SOS2: variants seen among roughly 807,000 people sequenced by gnomAD.
SOS2 encodes SOS Ras/Rho guanine nucleotide exchange factor 2, also known as son of sevenless homolog 2.
In SOS2, 65 loss-of-function variants were observed where a neutral mutation model predicts 148.2. That is an observed-to-expected ratio of 0.44 (90% CI 0.36 to 0.54). The LOEUF (loss-of-function observed/expected upper bound fraction) is 0.54, where lower values mean the gene tolerates loss of function less well. SOS2 is among the 20% of genes least tolerant of loss of function. The probability of loss-of-function intolerance (pLI) is 0.00; values close to 1 mark genes in which losing one functional copy is unlikely to be tolerated. For missense variants in SOS2, 1,341 were observed against 1,590.2 expected (o/e 0.84, Z 2.67); for synonymous variants, 539 against 537.1 (o/e 1.00, Z -0.05).
chr14:50,193,889 C>G (rs1318238905), intron 4 of SOS2, among the ~76,000 whole-genome samples: 1 of 152,124 alleles, frequency 6.6e-6, no homozygotes, highest in Admixed American at 6.6e-5. Flanking sequence ...GGATTATAGG[C>G]AATCGCCACC....
At chr14:50,165,403 A>G (rs1260465943) in intron 8 of SOS2, among the ~76,000 whole-genome samples, 1 of 152,174 alleles carries the variant, frequency 6.6e-6, no homozygotes, top group African/African-American at 2.4e-5. Context: ...AAATAAGGAC[A>G]CACACACCCG....
intron 14 of SOS2, 44 bp from the exon 15 acceptor site, chr14:50,145,640 G>C: frequency 7.8e-7 from 1 of 1,277,518 alleles, no homozygotes; most frequent in Non-Finnish European, 1.1e-6. Flanking sequence ...TAAAGGATTT[G>C]TATTACTTAA....
intron 13 of SOS2, among the ~76,000 whole-genome samples, 161 bp downstream of exon 13, chr14:50,152,909 G>A (rs1215821664): frequency 6.6e-6 from 1 of 151,828 alleles, no homozygotes; most frequent in African/African-American, 2.4e-5. Context: ...AGGTTGCAGT[G>A]AGCTGAGATG....
chr14:50,121,582 G>A (rs750777829), intron 21 of SOS2, among the ~76,000 whole-genome samples: 15 of 148,388 alleles, frequency 1.0e-4, no homozygotes, highest in South Asian at 2.1e-4. Context: ...CAAAAGGTAC[G>A]CCTATGAGGT....
chr14:50,213,352 T>C (rs1886945133), intron 1 of SOS2, among the ~76,000 whole-genome samples: 2 of 152,104 alleles, frequency 1.3e-5, no homozygotes, highest in East Asian at 3.9e-4. Context: ...GAAAACAAGA[T>C]AATTAATAAC....
chr14:50,200,509 C>T (rs12896404), intron 3 of SOS2, among the ~76,000 whole-genome samples: 45,499 of 151,844 alleles, frequency 0.3, 8,090 homozygotes, highest in Non-Finnish European at 0.41. Context: ...TGGCCTACTA[C>T]ATAGGAATTA....
chr14:50,203,903 T>A (rs914902606), intron 2 of SOS2, among the ~76,000 whole-genome samples: 4 of 151,982 alleles, frequency 2.6e-5, no homozygotes, highest in African/African-American at 9.7e-5. Flanking sequence ...GTACTATGTT[T>A]TGAGTCCTCT....
chr14:50,142,433 TA>T (rs1339340039), intron 16 of SOS2, among the ~76,000 whole-genome samples: 7 of 152,248 alleles, frequency 4.6e-5, no homozygotes, highest in Admixed American at 2.0e-4. Flanking sequence ...TCCCCTCTAA[TA>T]ACAACCCACT....
intron 18 of SOS2, among the ~76,000 whole-genome samples, chr14:50,135,515 T>C (rs1884047253): frequency 1.3e-5 from 2 of 150,056 alleles, no homozygotes. Context: ...CATGTAAATA[T>C]ATGCATGTAT....
intron 4 of SOS2, among the ~76,000 whole-genome samples, chr14:50,190,929 A>G (rs1282641729): frequency 6.6e-6 from 1 of 152,198 alleles, no homozygotes; most frequent in Non-Finnish European, 1.5e-5. Context: ...AAAGGAAGAC[A>G]TAAGACATAA....
chr14:50,221,455 C>T (rs1032594761), intron 1 of SOS2, among the ~76,000 whole-genome samples: 3 of 152,108 alleles, frequency 2.0e-5, no homozygotes, highest in African/African-American at 7.2e-5. Flanking sequence ...CACAGTTGCC[C>T]TCTCATTTTA....
In SOS2 at chr14:50,180,126, C is replaced by G. The variant is rs146069096; in HGVS notation, c.969+446G>C. Among the ~76,000 whole-genome samples the G allele has an allele frequency of 2.8e-3, 423 of 151,696 alleles. 6 individuals are homozygous for G. The highest frequency in any genetic ancestry group is 9.8e-3 in the African/African-American group (407 of 41,338). ...TCAAGTGATTCTCCTGCCTTAGCCT[C>G]CTGAGTAGCTGGGATTACAGGAGCT... On this transcript the variant is annotated intron_variant, in intron 7 of 22. Transcript: ENST00000216373.
chr14:50,177,261 A>G (rs1351478728), intron 7 of SOS2, among the ~76,000 whole-genome samples: 2 of 152,104 alleles, frequency 1.3e-5, no homozygotes, highest in Non-Finnish European at 2.9e-5. Flanking sequence ...CGGAGGTTGC[A>G]ATGAACTGAG....
chr14:50,158,510 A>G (rs113435568), intron 11 of SOS2, 55 bp downstream of exon 11: 15 of 1,077,330 alleles, frequency 1.4e-5, no homozygotes, highest in African/African-American at 4.7e-5. Flanking sequence ...ACTTTACAAA[A>G]TACAGTTAAT....
intron 1 of SOS2, among the ~76,000 whole-genome samples, chr14:50,222,933 A>G (rs1887242157): frequency 1.3e-5 from 2 of 152,246 alleles, no homozygotes; most frequent in African/African-American, 4.8e-5. Context: ...AGATGATCAG[A>G]GACCAGTTGA....
intron 5 of SOS2, among the ~76,000 whole-genome samples, chr14:50,184,110 A>G (rs975931036): frequency 3.9e-5 from 6 of 152,232 alleles, no homozygotes; most frequent in Admixed American, 6.5e-5. Flanking sequence ...ATAATCTTAC[A>G]GGATTACTGT....
At chr14:50,172,736 G>A (rs1885408282) in intron 8 of SOS2, among the ~76,000 whole-genome samples, 1 of 151,950 alleles carries the variant, frequency 6.6e-6, no homozygotes, top group Non-Finnish European at 1.5e-5. Context: ...GCTGCCTTTG[G>A]ACAAGCATGA....
At chr14:50,211,637 T>C (rs935580637) in intron 1 of SOS2, among the ~76,000 whole-genome samples, 7 of 151,746 alleles carry the variant, frequency 4.6e-5, no homozygotes, top group African/African-American at 1.2e-4. Context: ...ATTATTTAGA[T>C]TTTTGAGACA....
chr14:50,131,639 G>A (rs555296441), intron 19 of SOS2, among the ~76,000 whole-genome samples: 82 of 152,216 alleles, frequency 5.4e-4, no homozygotes, highest in Middle Eastern at 3.4e-3. Context: ...CCTATCAGAG[G>A]AACACGAATT....
Sources: allele counts gnomAD v4.1 joint callset (sites outside exome capture counted in the v4.1 genomes callset), GRCh38; gene constraint gnomAD v4.1.1; transcripts MANE v1.5; gene names NCBI Gene and HGNC (gene_info 2026-07-23, HGNC 2026-07-21).